RABGAP1L: variants seen among roughly 807,000 people sequenced by gnomAD.
RABGAP1L encodes RAB GTPase activating protein 1 like, also known as rab GTPase-activating protein 1-like.
RABGAP1L carries 63 observed loss-of-function variants against 137.7 expected under a neutral mutation model. The ratio of observed to expected loss-of-function variants is 0.46; its 90% CI spans 0.37 to 0.56. The LOEUF (loss-of-function observed/expected upper bound fraction) is 0.56, where lower values mean the gene tolerates loss of function less well. Ranked by LOEUF, RABGAP1L falls within the 20% of genes least tolerant of loss-of-function variation. The pLI is 0.00. For synonymous variants in RABGAP1L, 431 were observed against 433.7 expected, an observed-to-expected ratio of 0.99 and a Z score of 0.08; for missense variants, 1,095 against 1,244.0, an observed-to-expected ratio of 0.88 and a Z score of 1.80.
intron 17 of RABGAP1L, among the ~76,000 whole-genome samples, chr1:174,708,624 C>G (rs1464363629): frequency 6.6e-6 from 1 of 152,218 alleles, no homozygotes; most frequent in Non-Finnish European, 1.5e-5. Flanking sequence ...AGATACTACA[C>G]TTTTCCCATG....
At chr1:174,904,105 A>G (rs779148300) in intron 19 of RABGAP1L, among the ~76,000 whole-genome samples, 1 of 152,132 alleles carries the variant, frequency 6.6e-6, no homozygotes, top group Non-Finnish European at 1.5e-5. Context: ...CTGAGCAGTC[A>G]GTAGGAGAAC....
chr1:174,171,996 A>C (rs980547626), intron 1 of RABGAP1L, among the ~76,000 whole-genome samples: 15 of 152,218 alleles, frequency 9.9e-5, no homozygotes, highest in African/African-American at 3.4e-4. Context: ...GTGAGACTCC[A>C]TCTAAATAAA....
At chr1:174,417,094 C>T (rs981851837) in intron 13 of RABGAP1L, among the ~76,000 whole-genome samples, 1 of 152,000 alleles carries the variant, frequency 6.6e-6, no homozygotes, top group Non-Finnish European at 1.5e-5. Context: ...TGGCAAAAAC[C>T]GCAATTACTT....
chr1:174,595,993 T>G (rs1669866164), intron 13 of RABGAP1L, among the ~76,000 whole-genome samples: 1 of 102,564 alleles, frequency 9.8e-6, no homozygotes, highest in Non-Finnish European at 1.8e-5. Context: ...ACTGCTGTGC[T>G]AGCAATCAGC....
At chr1:174,867,244 G>A (rs1271875361) in intron 19 of RABGAP1L, among the ~76,000 whole-genome samples, 1 of 152,036 alleles carries the variant, frequency 6.6e-6, no homozygotes, top group African/African-American at 2.4e-5. Context: ...AGCCGGGTGT[G>A]GTGGTGTGCG....
At chr1:174,167,539 A>G (rs1447389460) in intron 1 of RABGAP1L, among the ~76,000 whole-genome samples, 2 of 152,170 alleles carry the variant, frequency 1.3e-5, no homozygotes, top group Admixed American at 1.3e-4. Flanking sequence ...AGTAATGCAA[A>G]CCCAAAGGGA....
chr1:174,916,022 A>G (rs1318098479), intron 19 of RABGAP1L, among the ~76,000 whole-genome samples: 2 of 151,586 alleles, frequency 1.3e-5, no homozygotes, highest in African/African-American at 4.8e-5. Flanking sequence ...GTTTTCTTCT[A>G]AATGTTTTAT....
At chr1:174,568,255 G>T (rs2148040028) in intron 13 of RABGAP1L, among the ~76,000 whole-genome samples, 1 of 152,272 alleles carries the variant, frequency 6.6e-6, no homozygotes, top group East Asian at 1.9e-4. Context: ...CAAAGGGATG[G>T]TGCTAAGCCA....
At chr1:174,946,176 A>G (rs1666731524) in intron 19 of RABGAP1L, among the ~76,000 whole-genome samples, 2 of 152,188 alleles carry the variant, frequency 1.3e-5, no homozygotes. Context: ...ATGCATTAAC[A>G]GCACCTCCAT....
In RABGAP1L at chr1:174,989,779, A is replaced by G. The variant is rs1671927781; in HGVS notation, c.3004-70A>G. The G allele has an allele frequency of 2.0e-6, 3 of 1,488,570 alleles. No homozygotes were observed. The African/African-American group carries it at 4.2e-5, about 21-fold the overall frequency. The allele number at this position is 1,488,570 out of a possible 1,614,324, so 92.2% of individuals were successfully genotyped here. ...ATACCTTGAGACTCCAAAAAGCTGC[A>G]CACTTTTATTTATTTATTGGCAAAG... On this transcript the variant is annotated intron_variant, in intron 25 of 25. Coordinates refer to ENST00000681986, the MANE Select transcript of RABGAP1L (RefSeq NM_001366446.1).
At chr1:174,880,476 G>GA (rs149277147) in intron 19 of RABGAP1L, among the ~76,000 whole-genome samples, 11,661 of 145,280 alleles carry the variant, frequency 0.08, 628 homozygotes, top group East Asian at 0.32. Flanking sequence ...CATCTCTACA[G>GA]AAAAAAAAAA....
At chr1:174,836,993 G>A (rs1692815509) in intron 19 of RABGAP1L, among the ~76,000 whole-genome samples, 1 of 152,170 alleles carries the variant, frequency 6.6e-6, no homozygotes, top group South Asian at 2.1e-4. Flanking sequence ...AATCACCTGA[G>A]GTCAGGAGTT....
chr1:174,974,057 C>T (rs533111907), intron 21 of RABGAP1L, among the ~76,000 whole-genome samples: 7 of 140,592 alleles, frequency 5.0e-5, no homozygotes, highest in East Asian at 2.3e-4. Flanking sequence ...GGCAAGATCT[C>T]GGCTCACTGC....
intron 13 of RABGAP1L, among the ~76,000 whole-genome samples, chr1:174,476,002 C>T (rs773921029): frequency 1.3e-5 from 2 of 151,792 alleles, no homozygotes; most frequent in African/African-American, 2.4e-5. Context: ...GTTGAAAGAA[C>T]AATAGGGTGG....
intron 13 of RABGAP1L, among the ~76,000 whole-genome samples, chr1:174,407,042 T>C (rs1474404319): frequency 2.0e-5 from 3 of 152,210 alleles, no homozygotes; most frequent in Non-Finnish European, 1.5e-5. Context: ...TGGTGAGTTC[T>C]CTCTAGGGAT....
At chr1:174,442,334 T>A (rs1169316528) in intron 13 of RABGAP1L, among the ~76,000 whole-genome samples, 2 of 152,154 alleles carry the variant, frequency 1.3e-5, no homozygotes, top group Non-Finnish European at 2.9e-5. Flanking sequence ...TAGCCTTTTG[T>A]ATAAAATTTA....
intron 19 of RABGAP1L, among the ~76,000 whole-genome samples, chr1:174,855,559 C>A (rs1649153447): frequency 6.6e-6 from 1 of 152,112 alleles, no homozygotes; most frequent in African/African-American, 2.4e-5. Flanking sequence ...TAGAGGACTC[C>A]AGAGGGCCTG....
intron 14 of RABGAP1L, among the ~76,000 whole-genome samples, chr1:174,675,907 C>A (rs1280885436): frequency 6.6e-6 from 1 of 151,824 alleles, no homozygotes; most frequent in Non-Finnish European, 1.5e-5. Flanking sequence ...GATTTGTATT[C>A]TTATTCATAT....
chr1:174,230,120 C>G (rs1298063955), intron 3 of RABGAP1L, among the ~76,000 whole-genome samples: 1 of 151,996 alleles, frequency 6.6e-6, no homozygotes, highest in Non-Finnish European at 1.5e-5. Flanking sequence ...AGCTGGAAAC[C>G]ATCATTCTCA....
Sources: allele counts gnomAD v4.1 joint callset (sites outside exome capture counted in the v4.1 genomes callset), GRCh38; gene constraint gnomAD v4.1.1; transcripts MANE v1.5; gene names NCBI Gene and HGNC (gene_info 2026-07-23, HGNC 2026-07-21).